Variants in PI4KB observed in about 807,000 individuals in gnomAD.
PI4KB encodes the protein PtdIns 4-kinase beta.
A neutral mutation model predicts 81.4 loss-of-function variants in PI4KB; 23 were observed. The ratio of observed to expected loss-of-function variants is 0.28; its 90% CI spans 0.20 to 0.40. The LOEUF (loss-of-function observed/expected upper bound fraction) is 0.40, where lower values mean the gene tolerates loss of function less well. PI4KB is among the 10% of genes least tolerant of loss of function. The pLI is 1.00. For synonymous variants in PI4KB, 381 were observed against 406.8 expected (o/e 0.94, Z 0.76); for missense variants, 651 against 1,036.6 (o/e 0.63, Z 5.11).
chr1:151,309,518 A>G (rs900833361), intron 3 of PI4KB, among the ~76,000 whole-genome samples: 1 of 152,174 alleles, frequency 6.6e-6, no homozygotes, highest in Admixed American at 6.5e-5. Context: ...GAGGTCCTGC[A>G]TTTCCTCTCA....
At chr1:151,301,096 G>A (rs1695231550) in intron 8 of PI4KB, 1 of 152,334 alleles carries the variant, frequency 6.6e-6, no homozygotes, top group Non-Finnish European at 1.5e-5. Flanking sequence ...TCTTCCCAGG[G>A]GAAAGTTGCA....
At chr1:151,327,136 G>C (rs1649738497) in intron 1 of PI4KB, 135 bp downstream of exon 1, 2 of 393,824 alleles carry the variant, frequency 5.1e-6, no homozygotes, top group Non-Finnish European at 8.9e-6. Flanking sequence ...GAAGGAACCC[G>C]GGGTGCAGCT....
rs766756903 is a variant in PI4KB, at chr1:151,316,143, G to T, written c.339C>A (p.Ala113=). The change falls in exon 2 of 12, where the codon GCC becomes GCA. Residue 113 remains alanine (A), a synonymous_variant. Coordinates refer to ENST00000368873, the MANE Select transcript of PI4KB (RefSeq NM_001369623.2). ...EMGAAVASGT[A]KGARRRRQNN... ...TCTGCCGCCGTCTTCTTGCTCCTTTGGCTGTGCCTGAGGCCACAGCGGCCC... is the reference window on the plus strand; with the variant it reads ...TCTGCCGCCGTCTTCTTGCTCCTTTTGCTGTGCCTGAGGCCACAGCGGCCC... 9 of 1,613,792 alleles carry T rather than the reference G, an allele frequency of 5.6e-6. No homozygotes were observed. In the African/African-American group the frequency reaches 1.1e-4, roughly 19 times the overall value.
At chr1:151,299,676 C>T (rs1331576494) in intron 8 of PI4KB, among the ~76,000 whole-genome samples, 4 of 151,384 alleles carry the variant, frequency 2.6e-5, no homozygotes, top group East Asian at 1.9e-4. Flanking sequence ...GGCGACAGAG[C>T]GAGACTCTCT....
chr1:151,309,259 C>T (rs1450692981), intron 3 of PI4KB, among the ~76,000 whole-genome samples: 5 of 152,132 alleles, frequency 3.3e-5, no homozygotes, highest in African/African-American at 1.2e-4. Context: ...ACCCTCTACC[C>T]CACCCAATTC....
chr1:151,327,310 G>A lies in PI4KB; in HGVS notation c.-68C>T, dbSNP rs1649802523. On this transcript the variant is annotated 5_prime_UTR_variant, in exon 1 of 12. Coordinates refer to ENST00000368873, the MANE Select transcript of PI4KB (RefSeq NM_001369623.2). ...CGCGGAGGGGGTGCGGGCAGTCGCG[G>A]TTGGACTGCCGACACTGCCGCCTCA... The A allele has an allele frequency of 2.5e-6, 1 of 397,032 alleles. No individual in the cohort carries two copies. The highest frequency in any genetic ancestry group is 3.6e-5 in the East Asian group (1 of 27,944). 24.6% of individuals were successfully genotyped at this position (397,032 alleles called of 1,614,324 possible).
chr1:151,303,509 G>T, intron 6 of PI4KB, 32 bp downstream of exon 6: 1 of 1,315,038 alleles, frequency 7.6e-7, no homozygotes, highest in Non-Finnish European at 1.1e-6. Context: ...AAAGAGGGAT[G>T]AAAAATGAGG....
Position 151,303,609 on chromosome 1 carries a change from C to A in PI4KB, c.1452G>T (p.Gln484His). The change falls in exon 6 of 12, where the codon CAG (glutamine) becomes CAT (histidine). Residue 484 changes from glutamine to histidine, a missense_variant. Coordinates refer to ENST00000368873, the MANE Select transcript of PI4KB (RefSeq NM_001369623.2). ...VHTNSCDNIS[Q>H]FSVDSITSQE... ...GGCTGGTGATGCTGTCCACAGAGAA[C>A]TGGGAGATGTTGTCACAGCTGTTGG... 1 of 1,614,068 alleles carries A rather than the reference C, an allele frequency of 6.2e-7. No individual in the cohort carries two copies. Among genetic ancestry groups the A allele is most frequent in the Non-Finnish European group, 8.5e-7 (1 of 1,179,948 alleles).
chr1:151,292,832 C>G lies in PI4KB; in HGVS notation c.*20G>C. On this transcript the variant is annotated 3_prime_UTR_variant, in exon 12 of 12. Transcript: ENST00000368873. ...GGAGGGTGCCCTGGACCCCCCACCA[C>G]TCCTGGGCTGAGGAGCGTGTCACAT... 6.2e-7 allele frequency: 1 copy of G among 1,612,318 alleles called. No homozygotes were observed. Among genetic ancestry groups the G allele is most frequent in the East Asian group, 2.2e-5 (1 of 44,864 alleles).
At chr1:151,310,809 C>T (rs1365049518) in intron 2 of PI4KB, among the ~76,000 whole-genome samples, 1 of 152,026 alleles carries the variant, frequency 6.6e-6, no homozygotes, top group Non-Finnish European at 1.5e-5. Flanking sequence ...TCATTATCAC[C>T]CTGGGAAGCT....
At chr1:151,302,386 C>T in intron 6 of PI4KB, 88 bp from the exon 7 acceptor site, 1 of 897,636 alleles carries the variant, frequency 1.1e-6, no homozygotes, top group Non-Finnish European at 1.9e-6. Context: ...GCACTGTCTC[C>T]TGGATTCTGG....
At chr1:151,299,466 G>A (rs1357963412) in intron 8 of PI4KB, among the ~76,000 whole-genome samples, 1 of 152,186 alleles carries the variant, frequency 6.6e-6, no homozygotes, top group Non-Finnish European at 1.5e-5. Context: ...CGGATCACCT[G>A]AGGTCAGGAG....
chr1:151,301,220 T>C (rs1300266225), intron 8 of PI4KB, among the ~76,000 whole-genome samples: 1 of 151,838 alleles, frequency 6.6e-6, no homozygotes, highest in Admixed American at 6.6e-5. Flanking sequence ...TTTCCCTTTC[T>C]CTCCTTTTTT....
chr1:151,302,090 T>C, intron 7 of PI4KB, 104 bp downstream of exon 7: 1 of 1,571,904 alleles, frequency 6.4e-7, no homozygotes, highest in Non-Finnish European at 8.7e-7. Context: ...CCTGGAAGCC[T>C]GACAGATTTT....
Position 151,292,767 on chromosome 1 carries a change from G to C in PI4KB, c.*85C>G, listed in dbSNP as rs905571830. 3.8e-5 allele frequency: 46 copies of C among 1,225,776 alleles called. No homozygotes were observed. Among genetic ancestry groups the C allele is most frequent in the Non-Finnish European group, 4.7e-5 (41 of 872,656 alleles). 75.9% of individuals were successfully genotyped at this position (1,225,776 alleles called of 1,614,324 possible). A position where few individuals can be genotyped will look rare whatever the true frequency, so the allele number is the denominator to read the frequency against. On this transcript the variant is annotated 3_prime_UTR_variant, in exon 12 of 12. Coordinates refer to ENST00000368873, the MANE Select transcript of PI4KB (RefSeq NM_001369623.2). ...CTTGGGTGGATGGTTGGGTAGGTGG[G>C]GTTTCCTGGTTTGGGGTTTCTCAGA...
At chr1:151,321,006 G>T (rs905086565) in intron 1 of PI4KB, among the ~76,000 whole-genome samples, 6 of 152,186 alleles carry the variant, frequency 3.9e-5, no homozygotes, top group Non-Finnish European at 8.8e-5. Flanking sequence ...CTACGATTGG[G>T]ATTATTACTG....
chr1:151,311,882 G>A (rs963703740), intron 2 of PI4KB, among the ~76,000 whole-genome samples: 2 of 152,208 alleles, frequency 1.3e-5, no homozygotes, highest in Non-Finnish European at 2.9e-5. Context: ...CTGTACAAAG[G>A]TTGCAGTCCT....
At chr1:151,303,423 G>C in intron 6 of PI4KB, 118 bp downstream of exon 6, 1 of 750,222 alleles carries the variant, frequency 1.3e-6, no homozygotes, top group Non-Finnish European at 2.4e-6. Flanking sequence ...AGGACAGAAT[G>C]AAAGAGGGAA....
intron 6 of PI4KB, among the ~76,000 whole-genome samples, chr1:151,302,614 G>C (rs1372415801): frequency 7.3e-6 from 1 of 137,208 alleles, no homozygotes; most frequent in East Asian, 2.1e-4. Flanking sequence ...ATCTCGCTGT[G>C]TCTCCCAGGC....
Sources: allele counts gnomAD v4.1 joint callset (sites outside exome capture counted in the v4.1 genomes callset), GRCh38; gene constraint gnomAD v4.1.1; transcripts MANE v1.5; gene names NCBI Gene and HGNC (gene_info 2026-07-23, HGNC 2026-07-21).